EPAS1: variants seen among roughly 807,000 people sequenced by gnomAD.
EPAS1 encodes the protein endothelial PAS domain-containing protein 1.
In EPAS1, 23 loss-of-function variants were observed where a neutral mutation model predicts 87.9. That is an observed-to-expected ratio of 0.26 (90% CI 0.19 to 0.37). The LOEUF is 0.37. Among genes scored for constraint, EPAS1 ranks in the 10% least tolerant of loss-of-function variants. EPAS1 has a pLI of 1.00. For synonymous variants in EPAS1, 508 were observed against 444.3 expected, an observed-to-expected ratio of 1.14 and a Z score of -1.80; for missense variants, 1,138 against 1,120.7, an observed-to-expected ratio of 1.02 and a Z score of -0.22.
In EPAS1 at chr2:46,360,536, A is replaced by G; in HGVS notation, c.455-102A>G. 9.6e-7 allele frequency: 1 copy of G among 1,045,122 alleles called. No individual in the cohort carries two copies. Among genetic ancestry groups the G allele is most frequent in the Non-Finnish European group, 1.5e-6 (1 of 663,320 alleles). 64.7% of individuals were successfully genotyped at this position (1,045,122 alleles called of 1,614,324 possible). ...TGCTAAGAGAGCAGATATTTGGAAA[A>G]TATAAACAATAGGCTGCCAAGAAAA... is the stretch of plus-strand genomic sequence containing the variant. On this transcript the variant is annotated intron_variant, in intron 4 of 15. Coordinates refer to ENST00000263734, the MANE Select transcript of EPAS1 (RefSeq NM_001430.5). The surrounding 1 kb of genome is among the most constrained non-coding windows in gnomAD (Gnocchi z 4.5).
At chr2:46,318,836 A>G (rs558882594) in intron 1 of EPAS1, among the ~76,000 whole-genome samples, 1 of 152,338 alleles carries the variant, frequency 6.6e-6, no homozygotes, top group Non-Finnish European at 1.5e-5. Flanking sequence ...ATCATGTTAC[A>G]TGCTATTGTG....
intron 1 of EPAS1, among the ~76,000 whole-genome samples, chr2:46,299,120 C>T (rs989120682): frequency 6.6e-6 from 1 of 152,244 alleles, no homozygotes; most frequent in Non-Finnish European, 1.5e-5. Flanking sequence ...CGGGAGGGCT[C>T]ACTGCCGAGG....
chr2:46,345,636 T>C (rs910531194), intron 1 of EPAS1, among the ~76,000 whole-genome samples: 5 of 152,190 alleles, frequency 3.3e-5, no homozygotes, highest in Non-Finnish European at 5.9e-5. Context: ...TGAGTTTAAA[T>C]AAGCCAAGGT....
chr2:46,377,804 AGGGCCTTCTCTGCGGTTTTT>A, intron 9 of EPAS1, 70 bp from the exon 10 acceptor site: 4 of 1,550,224 alleles, frequency 2.6e-6, no homozygotes, highest in Non-Finnish European at 3.5e-6. Context: ...AGACCCTCTT[AGGGCCTTCTCTGCGGTTTTT>A]GGGCCTCCTC....
chr2:46,305,689 C>T (rs748623397), intron 1 of EPAS1, among the ~76,000 whole-genome samples: 1 of 148,086 alleles, frequency 6.8e-6, no homozygotes, highest in African/African-American at 2.5e-5. Context: ...AGAAGTGTCT[C>T]ATACACCCCT....
chr2:46,382,095 C>T lies in EPAS1; in HGVS notation c.2287+6C>T, dbSNP rs759437426. 4 of 1,612,594 alleles carry T rather than the reference C, an allele frequency of 2.5e-6. No individual in the cohort carries two copies. The East Asian group carries it at 6.7e-5, about 27-fold the overall frequency. On this transcript the variant is annotated splice_donor_region_variant and intron_variant, in intron 14 of 15. Transcript: ENST00000263734. ...GAGCGCAAATGTACCCAATGGTGAG[C>T]AGCGGCCACAGGCCTGGGCCTCCTG...
chr2:46,383,717 T>C (rs1684952214), intron 15 of EPAS1, among the ~76,000 whole-genome samples: 1 of 152,178 alleles, frequency 6.6e-6, no homozygotes, highest in Admixed American at 6.5e-5. Flanking sequence ...TTGAATCATA[T>C]CAAACTCTTT....
At position 46,346,786 on chromosome 2, in the gene EPAS1, G is replaced by T. The variant is rs1572631231; in HGVS notation, c.27-87G>T. 1 of 1,424,936 alleles carries T rather than the reference G, an allele frequency of 7.0e-7. No homozygotes were observed. Among genetic ancestry groups the T allele is most frequent in the South Asian group, 1.2e-5 (1 of 83,788 alleles). 88.3% of individuals were successfully genotyped at this position (1,424,936 alleles called of 1,614,324 possible). Reference sequence around the variant, plus strand: ...CTAGTAAGGGAGTGTGGCTGCACTGGGGGTTGGGGCCATGGGGATGTCCTG... The same window carrying T: ...CTAGTAAGGGAGTGTGGCTGCACTGTGGGTTGGGGCCATGGGGATGTCCTG... On this transcript the variant is annotated intron_variant, in intron 1 of 15. Transcript: ENST00000263734. The surrounding 1 kb of genome is among the most constrained non-coding windows in gnomAD (Gnocchi z 4.0).
At chr2:46,332,391 C>G (rs949440886) in intron 1 of EPAS1, among the ~76,000 whole-genome samples, 1 of 151,020 alleles carries the variant, frequency 6.6e-6, no homozygotes, top group Non-Finnish European at 1.5e-5. Flanking sequence ...ATGACATTAT[C>G]TCTAATAAAA....
rs1214649441 is a variant in EPAS1, at chr2:46,342,239, CTCTT to C, written c.27-4630_27-4627del. Among the ~76,000 whole-genome samples, 4 of 152,208 alleles carry C rather than the reference CTCTT, an allele frequency of 2.6e-5. 1 individual carries two copies. The highest frequency in any genetic ancestry group is 2.0e-4 in the Admixed American group (3 of 15,282). On this transcript the variant is annotated intron_variant, in intron 1 of 15. Transcript: ENST00000263734. ...CCCAGTTAAGTATGGGGACCAGTGA[CTCTT>C]TCTCATCTCTGGAACCTGGAGCTGG...
In EPAS1 at chr2:46,328,206, G is replaced by C. The variant is rs117829437; in HGVS notation, c.27-18667G>C. Among the ~76,000 whole-genome samples, 343 of 152,196 alleles carry C rather than the reference G, an allele frequency of 2.3e-3. 8 individuals carry two copies. Among genetic ancestry groups the C allele is most frequent in the East Asian group, 0.015 (78 of 5,178 alleles). The stretch of plus-strand genomic sequence containing the variant: ...TGTAGACAGTAAGTGAGGTCACCCC[G>C]GCCAGGAAATTGGGGGCACCTCCTG... On this transcript the variant is annotated intron_variant, in intron 1 of 15. Coordinates refer to ENST00000263734, the MANE Select transcript of EPAS1 (RefSeq NM_001430.5).
At chr2:46,344,325 T>C (rs1683972005) in intron 1 of EPAS1, among the ~76,000 whole-genome samples, 1 of 152,264 alleles carries the variant, frequency 6.6e-6, no homozygotes, top group African/African-American at 2.4e-5. Flanking sequence ...GCTTTGTGCA[T>C]GCAGATATTG....
At chr2:46,337,032 G>A (rs927981239) in intron 1 of EPAS1, among the ~76,000 whole-genome samples, 1 of 152,198 alleles carries the variant, frequency 6.6e-6, no homozygotes, top group Non-Finnish European at 1.5e-5. Flanking sequence ...ATTAAGAGCC[G>A]GGTTAGAATT....
rs368761962 is a variant in EPAS1, at chr2:46,365,934, G to T, written c.780-3893G>T. 3.5e-4 allele frequency among the ~76,000 whole-genome samples: 53 copies of T among 152,338 alleles called. No homozygotes were observed. In the East Asian group the frequency reaches 9.1e-3, roughly 26 times the overall value. On this transcript the variant is annotated intron_variant, in intron 6 of 15. Coordinates refer to ENST00000263734, the MANE Select transcript of EPAS1 (RefSeq NM_001430.5). ...TATTTATTAGCAGATACATTCTTTG[G>T]AAAACAAATAGGTGGTTACAAAGTA...
At chr2:46,336,966 C>G (rs1223324981) in intron 1 of EPAS1, among the ~76,000 whole-genome samples, 1 of 152,238 alleles carries the variant, frequency 6.6e-6, no homozygotes, top group African/African-American at 2.4e-5. Context: ...CCAACAGACA[C>G]ACACACCTTG....
intron 15 of EPAS1, among the ~76,000 whole-genome samples, 199 bp downstream of exon 15, chr2:46,382,797 C>A (rs1335193780): frequency 6.6e-6 from 1 of 152,168 alleles, no homozygotes; most frequent in Admixed American, 6.5e-5. Context: ...TCAGGCCCCC[C>A]AGTGGGTGGG....
chr2:46,383,451 A>G (rs1684945783), intron 15 of EPAS1, among the ~76,000 whole-genome samples: 1 of 152,232 alleles, frequency 6.6e-6, no homozygotes, highest in Admixed American at 6.5e-5. Flanking sequence ...ATGGAAAAAC[A>G]TACCAGGCCC....
At chr2:46,382,170 A>G (rs1459252428) in intron 14 of EPAS1, 81 bp downstream of exon 14, 5 of 1,340,220 alleles carry the variant, frequency 3.7e-6, no homozygotes, top group South Asian at 3.7e-5. Flanking sequence ...TGGTTCTTCC[A>G]TTCACCACAG....
At chr2:46,327,079 G>T (rs896712037) in intron 1 of EPAS1, among the ~76,000 whole-genome samples, 1 of 152,194 alleles carries the variant, frequency 6.6e-6, no homozygotes, top group Admixed American at 6.5e-5. Context: ...AGCAGGGGCC[G>T]TGCTGACCTT....
Sources: allele counts gnomAD v4.1 joint callset (sites outside exome capture counted in the v4.1 genomes callset), GRCh38; gene constraint gnomAD v4.1.1; non-coding constraint Gnocchi (gnomAD v3.1); transcripts MANE v1.5; gene names NCBI Gene and HGNC (gene_info 2026-07-23, HGNC 2026-07-21).